Variants in CTNND2 observed in about 807,000 individuals in gnomAD.
CTNND2 encodes the protein catenin delta-2.
In CTNND2, 22 loss-of-function variants were observed where a neutral mutation model predicts 144.4. The ratio of observed to expected loss-of-function variants is 0.15; its 90% confidence interval spans 0.11 to 0.22. The LOEUF (loss-of-function observed/expected upper bound fraction) is 0.22, where lower values mean the gene tolerates loss of function less well. Ranked by LOEUF, CTNND2 falls within the 10% of genes least tolerant of loss-of-function variation. The pLI is 1.00. For missense variants in CTNND2, 1,353 were observed against 1,618.8 expected (o/e 0.84, Z 2.82); for synonymous variants, 751 against 695.6 (o/e 1.08, Z -1.25).
chr5:11,200,802 C>T (rs1737348781), intron 10 of CTNND2, among the ~76,000 whole-genome samples: 1 of 152,230 alleles, frequency 6.6e-6, no homozygotes, highest in Non-Finnish European at 1.5e-5. Flanking sequence ...CCTCAGCCTC[C>T]CGAGTAACTG....
intron 3 of CTNND2, among the ~76,000 whole-genome samples, chr5:11,437,302 G>A (rs1304491660): frequency 6.6e-6 from 1 of 152,148 alleles, no homozygotes; most frequent in African/African-American, 2.4e-5. Flanking sequence ...TTTCTAATAA[G>A]GGAACAAGTA....
chr5:11,224,267 T>C (rs1214840270), intron 10 of CTNND2, among the ~76,000 whole-genome samples: 1 of 152,138 alleles, frequency 6.6e-6, no homozygotes, highest in Non-Finnish European at 1.5e-5. Flanking sequence ...GCCTCGTCCA[T>C]CATCCTTCAT....
chr5:11,265,779 C>T (rs1170690412), intron 9 of CTNND2, among the ~76,000 whole-genome samples: 1 of 140,492 alleles, frequency 7.1e-6, no homozygotes, highest in Non-Finnish European at 1.5e-5. Flanking sequence ...AATCTTGGCT[C>T]ACTGCAACCT....
chr5:11,250,489 CTCTATATA>C (rs1451072327), intron 9 of CTNND2, among the ~76,000 whole-genome samples: 26 of 68,054 alleles, frequency 3.8e-4, no homozygotes, highest in African/African-American at 1.8e-3. Flanking sequence ...CTCTCTCTCT[CTCTATATA>C]TATATATATA....
At chr5:11,254,318 A>G (rs1401873514) in intron 9 of CTNND2, among the ~76,000 whole-genome samples, 1 of 152,238 alleles carries the variant, frequency 6.6e-6, no homozygotes, top group Admixed American at 6.5e-5. Context: ...TGCATAAAGC[A>G]AAGCCCACCC....
At chr5:11,141,571 G>A (rs1756724363) in intron 12 of CTNND2, among the ~76,000 whole-genome samples, 1 of 152,158 alleles carries the variant, frequency 6.6e-6, no homozygotes, top group African/African-American at 2.4e-5. Context: ...GGTTAAGTTT[G>A]GATATGCAAG....
intron 2 of CTNND2, among the ~76,000 whole-genome samples, chr5:11,698,150 G>A (rs900651561): frequency 3.3e-5 from 5 of 152,136 alleles, no homozygotes; most frequent in Admixed American, 1.3e-4. Context: ...AAATGCTGCA[G>A]GGAAAGAAAC....
chr5:11,808,365 G>A (rs1792126819), intron 1 of CTNND2, among the ~76,000 whole-genome samples: 1 of 152,022 alleles, frequency 6.6e-6, no homozygotes, highest in Non-Finnish European at 1.5e-5. Context: ...AGTCTAGAGT[G>A]GGGAACGGAC....
At chr5:11,607,080 C>A (rs1780090348) in intron 2 of CTNND2, among the ~76,000 whole-genome samples, 1 of 152,174 alleles carries the variant, frequency 6.6e-6, no homozygotes. Flanking sequence ...GGTCAGGAAC[C>A]TGCTTCTGTA....
intron 2 of CTNND2, among the ~76,000 whole-genome samples, chr5:11,598,728 C>G (rs975178499): frequency 2.1e-4 from 32 of 151,998 alleles, no homozygotes; most frequent in Non-Finnish European, 3.2e-4. Flanking sequence ...GAGACTTAAC[C>G]AAAAGATTTC....
intron 18 of CTNND2, among the ~76,000 whole-genome samples, chr5:11,011,671 C>CT (rs1234700672): frequency 6.6e-6 from 1 of 152,180 alleles, no homozygotes; most frequent in Non-Finnish European, 1.5e-5. Context: ...TGCCCTGACC[C>CT]TTTCCATAGT....
At chr5:11,087,369 G>C (rs1191614589) in intron 15 of CTNND2, among the ~76,000 whole-genome samples, 1 of 152,114 alleles carries the variant, frequency 6.6e-6, no homozygotes. Flanking sequence ...ATTAGGAAAC[G>C]GCATGGCTTT....
rs140925109 is a variant in CTNND2 at position 11,248,112 on chromosome 5, C to A, written c.1629-11289G>T. On this transcript the variant is annotated intron_variant, in intron 9 of 21. Coordinates refer to ENST00000304623, the MANE Select transcript of CTNND2 (RefSeq NM_001332.4). ...ATGTATCTATTTTAAAATTAACAGC[C>A]CGTGATGTTTCTTAGAAAATCACCT... is the stretch of plus-strand genomic sequence containing the variant. 7.8e-4 allele frequency among the ~76,000 whole-genome samples: 118 copies of A among 152,110 alleles called. No homozygotes were observed. In the East Asian group the frequency reaches 0.022, roughly 28 times the overall value.
intron 2 of CTNND2, among the ~76,000 whole-genome samples, chr5:11,660,813 T>C (rs1195363562): frequency 6.6e-6 from 1 of 152,140 alleles, no homozygotes; most frequent in Non-Finnish European, 1.5e-5. Context: ...ATGGCATAAA[T>C]TATCCAGATG....
At chr5:11,168,905 A>C (rs1759622174) in intron 11 of CTNND2, among the ~76,000 whole-genome samples, 1 of 152,144 alleles carries the variant, frequency 6.6e-6, no homozygotes, top group Non-Finnish European at 1.5e-5. Flanking sequence ...CAGGAGGTGA[A>C]ATCACCATAA....
intron 11 of CTNND2, among the ~76,000 whole-genome samples, chr5:11,194,429 A>G (rs1736650635): frequency 1.3e-5 from 2 of 152,176 alleles, no homozygotes; most frequent in Non-Finnish European, 2.9e-5. Flanking sequence ...CTCCACAGAG[A>G]TGGATTGTGA....
chr5:11,404,584 T>C (rs1206442344), intron 5 of CTNND2, among the ~76,000 whole-genome samples: 1 of 149,326 alleles, frequency 6.7e-6, no homozygotes, highest in East Asian at 2.0e-4. Flanking sequence ...TTGATCAGTA[T>C]CTGTCAGTAT....
Position 11,098,751 on chromosome 5 carries a change from G to A in CTNND2, c.2464-3C>T, listed in dbSNP as rs1348505768. The A allele has an allele frequency of 1.2e-6, 2 of 1,609,598 alleles. No homozygotes were observed. Among genetic ancestry groups the A allele is most frequent in the Admixed American group, 3.4e-5 (2 of 58,906 alleles). ...GGAAGAGGTCCTACTCCATCCCACTGGCGGAAGAAAAACAAGAGAGCAAAC... is the reference window on the plus strand; with the variant it reads ...GGAAGAGGTCCTACTCCATCCCACTAGCGGAAGAAAAACAAGAGAGCAAAC... On this transcript the variant is annotated splice_region_variant and splice_polypyrimidine_tract_variant and intron_variant, in intron 14 of 21. Transcript: ENST00000304623.
In CTNND2 at chr5:11,139,253, A is replaced by G. The variant is rs552431280; in HGVS notation, c.2159+20323T>C. ...TGGGATTACAGGCATGAGCGACCAC[A>G]CCCGGCCAGAAACCATTTTTGATCT... On this transcript the variant is annotated intron_variant, in intron 12 of 21. Transcript: ENST00000304623. 1.4e-4 allele frequency among the ~76,000 whole-genome samples: 22 copies of G among 152,282 alleles called. No homozygotes were observed. In the South Asian group the frequency reaches 2.9e-3, roughly 20 times the overall value.
Sources: gnomAD v4.1 joint callset for allele counts (sites outside exome capture counted in the v4.1 genomes callset) on GRCh38, gnomAD v4.1.1 for gene constraint, MANE v1.5 for transcripts, NCBI Gene and HGNC (gene_info 2026-07-23, HGNC 2026-07-21) for gene names.